Variants in RGS1 observed in about 807,000 individuals in gnomAD.
RGS1 encodes the protein B-cell activation protein BL34.
RGS1 carries 11 observed loss-of-function variants against 22.2 expected under a neutral mutation model. The ratio of observed to expected loss-of-function variants is 0.50; its 90% CI spans 0.31 to 0.82. The LOEUF (loss-of-function observed/expected upper bound fraction) is 0.82. Among genes scored for constraint, RGS1 ranks in the 40% least tolerant of loss-of-function variants. RGS1 has a pLI of 0.04. For missense variants in RGS1, 255 were observed against 245.8 expected, an observed-to-expected ratio of 1.04 and a Z score of -0.25; for synonymous variants, 81 against 79.9, an observed-to-expected ratio of 1.01 and a Z score of -0.07.
At chr1:192,578,860 T>C (rs939651702) in intron 4 of RGS1, 5 of 420,126 alleles carry the variant, frequency 1.2e-5, no homozygotes, top group Non-Finnish European at 2.1e-5. Flanking sequence ...TTATGATACA[T>C]GGATCATCTT....
Position 192,578,427 on chromosome 1 carries a change from C to A in RGS1, c.444+42C>A, listed in dbSNP as rs778793586. On this transcript the variant is annotated intron_variant, in intron 4 of 4. Coordinates refer to ENST00000367459, the MANE Select transcript of RGS1 (RefSeq NM_002922.4). ...TCATCATCAGTTTCTCCATAAAAGA[C>A]CCTATATGCAGAAATAACATTTAAT... 4 of 1,596,274 alleles carry A rather than the reference C, an allele frequency of 2.5e-6. No individual in the cohort carries two copies. The East Asian group carries it at 6.7e-5, about 27-fold the overall frequency.
At chr1:192,578,090 G>T in intron 3 of RGS1, 132 bp from the exon 4 acceptor site, 3 of 1,035,174 alleles carry the variant, frequency 2.9e-6, no homozygotes, top group Non-Finnish European at 4.2e-6. Context: ...AGCTATTTCA[G>T]CAGTAGCTGT....
Position 192,579,642 on chromosome 1 carries a change from A to G in RGS1, c.*320A>G, listed in dbSNP as rs1412899162. 4.0e-6 allele frequency: 1 copy of G among 247,214 alleles called. No homozygotes were observed. The highest frequency in any genetic ancestry group is 7.7e-6 in the Non-Finnish European group (1 of 130,052). The allele number at this position is 247,214 out of a possible 1,614,324, so 15.3% of individuals were successfully genotyped here. On this transcript the variant is annotated 3_prime_UTR_variant, in exon 5 of 5. Transcript: ENST00000367459. ...TACACAGAAACTGTGACTAAAGTCT[A>G]TGAAACTGATTACAACAGACTGTAA...
chr1:192,579,250 T>G lies in RGS1; in HGVS notation c.558T>G (p.Ser186=). The change falls in exon 5 of 5, where the codon TCT becomes TCG. Residue 186 remains serine, a synonymous_variant. Transcript: ENST00000367459. ...TATATACTCTTATGGAAAAGGACTCTTATCCCAGGTTCCTCAAATCAGATA... is the reference window on the plus strand; with the variant it reads ...TATATACTCTTATGGAAAAGGACTCGTATCCCAGGTTCCTCAAATCAGATA... ...KVIYTLMEKD[S]YPRFLKSDIY... The G allele has an allele frequency of 1.2e-6, 2 of 1,613,194 alleles. No individual in the cohort carries two copies. The highest frequency in any genetic ancestry group is 1.7e-6 in the Non-Finnish European group (2 of 1,179,404).
At chr1:192,578,099 G>A in intron 3 of RGS1, 123 bp from the exon 4 acceptor site, 1 of 1,156,576 alleles carries the variant, frequency 8.6e-7, no homozygotes, top group Non-Finnish European at 1.2e-6. Context: ...AGCAGTAGCT[G>A]TCTCTTACCT....
Position 192,576,840 on chromosome 1 carries a change from G to C in RGS1, c.280+5G>C. On this transcript the variant is annotated splice_donor_5th_base_variant and intron_variant, in intron 3 of 4. Transcript: ENST00000367459. ...AAAAACTTCTTGCCAACCAAAGTAA[G>C]TATAACTATTGAATGTTTCTGGGTT... The C allele has an allele frequency of 1.2e-6, 2 of 1,609,838 alleles. No individual in the cohort carries two copies. Among genetic ancestry groups the C allele is most frequent in the Non-Finnish European group, 1.7e-6 (2 of 1,177,310 alleles).
At chr1:192,575,998 T>G in intron 1 of RGS1, 69 bp downstream of exon 1, 1 of 1,567,802 alleles carries the variant, frequency 6.4e-7, no homozygotes, top group South Asian at 1.1e-5. Context: ...GGATTGAGAA[T>G]GAATGGAAGA....
chr1:192,576,303 A>G lies in RGS1; in HGVS notation c.156A>G (p.Ala52=), dbSNP rs1662058593. ...TTTGTAGTGGAATGGATATGAAAGC[A>G]TACCTGAGATCTATGATCCCACATC... ...RPKTFGMDMK[A]YLRSMIPHLE... The change falls in exon 2 of 5, where the codon GCA becomes GCG. Residue 52 remains alanine (A), a synonymous_variant. Transcript: ENST00000367459. 1 of 1,610,488 alleles carries G rather than the reference A, an allele frequency of 6.2e-7. No individual in the cohort carries two copies. Among genetic ancestry groups the G allele is most frequent in the African/African-American group, 1.3e-5 (1 of 74,814 alleles).
In RGS1 at chr1:192,579,407, C is replaced by A; in HGVS notation, c.*85C>A. On this transcript the variant is annotated 3_prime_UTR_variant, in exon 5 of 5. Coordinates refer to ENST00000367459, the MANE Select transcript of RGS1 (RefSeq NM_002922.4). The stretch of plus-strand genomic sequence containing the variant: ...ATGGCTCCCTGGGTGAACAGCTTGG[C>A]CTTTTTTGGGTGTCTTGACAGGCCA... The A allele has an allele frequency of 7.5e-7, 1 of 1,335,298 alleles. No individual in the cohort carries two copies. Among genetic ancestry groups the A allele is most frequent in the Non-Finnish European group, 1.0e-6 (1 of 960,042 alleles). 82.7% of individuals were successfully genotyped at this position (1,335,298 alleles called of 1,614,324 possible).
chr1:192,579,117 A>G lies in RGS1; in HGVS notation c.445-20A>G. 1 of 1,598,680 alleles carries G rather than the reference A, an allele frequency of 6.3e-7. No homozygotes were observed. Among genetic ancestry groups the G allele is most frequent in the Non-Finnish European group, 8.5e-7 (1 of 1,175,330 alleles). On this transcript the variant is annotated intron_variant, in intron 4 of 4. Coordinates refer to ENST00000367459, the MANE Select transcript of RGS1 (RefSeq NM_002922.4). ...CAGTAAAGAAAAGTATATATTAGCT[A>G]ACAAGGTTTTCTTTTTTAGATCAAT... is the stretch of plus-strand genomic sequence containing the variant.
chr1:192,576,226 T>G, intron 1 of RGS1, 59 bp from the exon 2 acceptor site: 1 of 1,357,282 alleles, frequency 7.4e-7, no homozygotes, highest in South Asian at 1.2e-5. Context: ...TTCTATGTCT[T>G]TTTACAAATA....
rs778017564 is a variant in RGS1, at chr1:192,576,364, G to A, written c.217G>A (p.Val73Ile). The stretch of plus-strand genomic sequence containing the variant: ...AATGAAATCTTCCAAGTCCAAGGAT[G>A]TGTAAGTACACTAATACACTAAACT... ...SGMKSSKSKD[V>I]LSAAEVMQWS... The change falls in exon 2 of 5, where the codon GTA becomes ATA. Residue 73 changes from valine to isoleucine, a missense_variant and splice_region_variant. Coordinates refer to ENST00000367459, the MANE Select transcript of RGS1 (RefSeq NM_002922.4). 1 of 1,597,094 alleles carries A rather than the reference G, an allele frequency of 6.3e-7. No individual in the cohort carries two copies. The highest frequency in any genetic ancestry group is 2.2e-5 in the East Asian group (1 of 44,660).
At chr1:192,578,472 C>A in intron 4 of RGS1, 87 bp downstream of exon 4, 3 of 1,452,864 alleles carry the variant, frequency 2.1e-6, no homozygotes, top group Admixed American at 1.9e-5. Context: ...AAGATAAAAT[C>A]CTTTTGGGGT....
chr1:192,576,911 T>TCCTACCCAGAATACTATA, intron 3 of RGS1, 76 bp downstream of exon 3: 1 of 1,285,306 alleles, frequency 7.8e-7, no homozygotes, highest in Non-Finnish European at 1.1e-6. Flanking sequence ...AAATATAGTA[T>TCCTACCCAGAATACTATA]TCTGGGTAGG....
In RGS1 at chr1:192,578,179, T is replaced by C. The variant is rs755972758; in HGVS notation, c.281-43T>C. 1.0e-4 allele frequency: 157 copies of C among 1,563,366 alleles called. 1 individual carries two copies. The highest frequency in any genetic ancestry group is 1.3e-4 in the Non-Finnish European group (150 of 1,158,728). ...TTCAAATTATTCATTTGTTGGTTCA[T>C]TTAATTTAATTATCTCCCCACCCAC... On this transcript the variant is annotated intron_variant, in intron 3 of 4. Coordinates refer to ENST00000367459, the MANE Select transcript of RGS1 (RefSeq NM_002922.4).
At chr1:192,576,010 A>T in intron 1 of RGS1, 81 bp downstream of exon 1, 1 of 1,524,308 alleles carries the variant, frequency 6.6e-7, no homozygotes, top group Non-Finnish European at 9.0e-7. Flanking sequence ...AATGGAAGAG[A>T]GTGTGAGCAT....
In RGS1 at chr1:192,579,474, C is replaced by A. The variant is rs1571550063; in HGVS notation, c.*152C>A. The A allele has an allele frequency of 1.5e-6, 1 of 654,544 alleles. No individual in the cohort carries two copies. Among genetic ancestry groups the A allele is most frequent in the East Asian group, 2.9e-5 (1 of 34,858 alleles). 40.5% of individuals were successfully genotyped at this position (654,544 alleles called of 1,614,324 possible). A position where few individuals can be genotyped will look rare whatever the true frequency, so the allele number is the denominator to read the frequency against. On this transcript the variant is annotated 3_prime_UTR_variant, in exon 5 of 5. Coordinates refer to ENST00000367459, the MANE Select transcript of RGS1 (RefSeq NM_002922.4). Reference sequence around the variant, plus strand: ...CAGAATGGATTAACATGAAAGTTATCCAGGCGCAGAGTTGAAGAAGCATAA... The same window carrying A: ...CAGAATGGATTAACATGAAAGTTATACAGGCGCAGAGTTGAAGAAGCATAA...
At chr1:192,577,771 C>G (rs978221777) in intron 3 of RGS1, 1 of 174,042 alleles carries the variant, frequency 5.7e-6, no homozygotes, top group African/African-American at 2.4e-5. Context: ...CATATATAGG[C>G]CTAACATTTT....
chr1:192,576,978 A>G (rs1172300311), intron 3 of RGS1, 143 bp downstream of exon 3: 21 of 582,040 alleles, frequency 3.6e-5, no homozygotes, highest in Non-Finnish European at 5.6e-5. Flanking sequence ...ACTTCAGCAT[A>G]GTATGCCTCT....
Sources: allele counts gnomAD v4.1 joint callset, GRCh38; gene constraint gnomAD v4.1.1; transcripts MANE v1.5; gene names NCBI Gene and HGNC (gene_info 2026-07-23, HGNC 2026-07-21).